Variants in DAB1 observed in about 807,000 individuals in gnomAD.
The protein encoded by DAB1 is disabled homolog 1.
In DAB1, 15 loss-of-function variants were observed where a neutral mutation model predicts 64.6. That is an observed-to-expected ratio of 0.23 (90% CI 0.16 to 0.36). The LOEUF (loss-of-function observed/expected upper bound fraction) is 0.36, where lower values mean the gene tolerates loss of function less well. Ranked by LOEUF, DAB1 falls within the 10% of genes least tolerant of loss-of-function variation. The probability of loss-of-function intolerance (pLI) is 1.00; values close to 1 mark genes in which losing one functional copy is unlikely to be tolerated. For synonymous variants in DAB1, 235 were observed against 251.9 expected, an observed-to-expected ratio of 0.93 and a Z score of 0.64; for missense variants, 596 against 706.7, an observed-to-expected ratio of 0.84 and a Z score of 1.78.
intron 2 of DAB1, among the ~76,000 whole-genome samples, chr1:57,198,647 TCTCACACA>T (rs1273347928): frequency 8.9e-6 from 1 of 112,850 alleles, no homozygotes; most frequent in African/African-American, 3.1e-5. Context: ...ATCTTCTCTC[TCTCACACA>T]CACACACACA....
intron 3 of DAB1, chr1:58,462,755 C>A: frequency 6.6e-6 from 1 of 152,270 alleles, no homozygotes; most frequent in Non-Finnish European, 1.5e-5. Flanking sequence ...CAGGTAACCT[C>A]AGGCTGTTCA....
At chr1:58,268,729 A>G (rs1661235227) in intron 4 of DAB1, among the ~76,000 whole-genome samples, 1 of 152,222 alleles carries the variant, frequency 6.6e-6, no homozygotes, top group Non-Finnish European at 1.5e-5. Context: ...TATCAAAATC[A>G]CAATGATAAT....
chr1:57,478,101 G>C (rs1430773821), intron 7 of DAB1, among the ~76,000 whole-genome samples: 1 of 149,174 alleles, frequency 6.7e-6, no homozygotes, highest in Non-Finnish European at 1.5e-5. Context: ...CCCTTCCTTT[G>C]TCCAAGTGTT....
intron 7 of DAB1, among the ~76,000 whole-genome samples, chr1:57,628,088 G>T (rs1180145853): frequency 6.6e-6 from 1 of 152,176 alleles, no homozygotes; most frequent in South Asian, 2.1e-4. Context: ...CCCAATTTGG[G>T]TTGAGATAAT....
At chr1:58,070,535 A>G (rs934218602) in intron 5 of DAB1, among the ~76,000 whole-genome samples, 2 of 152,200 alleles carry the variant, frequency 1.3e-5, no homozygotes, top group Admixed American at 6.5e-5. Flanking sequence ...AATGGCTTTA[A>G]CCAGGAGCAT....
chr1:58,309,419 A>G (rs955512656), intron 4 of DAB1, among the ~76,000 whole-genome samples: 2 of 152,200 alleles, frequency 1.3e-5, no homozygotes, highest in African/African-American at 4.8e-5. Flanking sequence ...GATACTTAAC[A>G]TCTCATTCCT....
Position 57,493,762 on chromosome 1 carries a change from G to GCACACACACA in DAB1, n.625+155829_625+155830insTGTGTGTGTG, listed in dbSNP as rs1414667024. On this transcript the variant is annotated intron_variant and non_coding_transcript_variant, in intron 7 of 20. Transcript: ENST00000485760. ...AGGGAGGCAGGCTGACGTATTCACA[G>GCACACACACA]CTCACACACACACACACACACACAC... Among the ~76,000 whole-genome samples, 185 of 150,194 alleles carry GCACACACACA rather than the reference G, an allele frequency of 1.2e-3. 1 individual carries two copies. The highest frequency in any genetic ancestry group is 4.2e-3 in the African/African-American group (170 of 40,010).
intron 6 of DAB1, among the ~76,000 whole-genome samples, chr1:57,695,755 T>G (rs929040145): frequency 6.6e-6 from 1 of 151,924 alleles, no homozygotes; most frequent in African/African-American, 2.4e-5. Context: ...CAAAAATTAG[T>G]CAGGTGTGAT....
intron 5 of DAB1, among the ~76,000 whole-genome samples, chr1:57,938,876 C>T (rs531024185): frequency 6.6e-6 from 1 of 152,068 alleles, no homozygotes; most frequent in African/African-American, 2.4e-5. Context: ...GGACTCTCCT[C>T]TTGTACCAAC....
intron 4 of DAB1, among the ~76,000 whole-genome samples, chr1:58,304,992 T>C (rs1662273289): frequency 6.6e-6 from 1 of 152,176 alleles, no homozygotes; most frequent in African/African-American, 2.4e-5. Flanking sequence ...TAATTTTAAT[T>C]TTTTAGTGAG....
intron 1 of DAB1, among the ~76,000 whole-genome samples, chr1:57,348,801 C>T (rs536284889): frequency 1.3e-5 from 2 of 152,212 alleles, no homozygotes; most frequent in East Asian, 1.9e-4. Flanking sequence ...AAATGCCTCC[C>T]TTGTCTAGCC....
intron 2 of DAB1, among the ~76,000 whole-genome samples, chr1:57,194,270 G>T (rs571970334): frequency 6.6e-6 from 1 of 152,236 alleles, no homozygotes; most frequent in Non-Finnish European, 1.5e-5. Flanking sequence ...ATGTGGAAAT[G>T]CTTCTCAGAG....
At chr1:58,208,219 A>G (rs1052803625) in intron 4 of DAB1, among the ~76,000 whole-genome samples, 1 of 152,200 alleles carries the variant, frequency 6.6e-6, no homozygotes, top group Non-Finnish European at 1.5e-5. Context: ...CAGCCAAACC[A>G]TATCAGTAGT....
At chr1:57,060,125 T>TTTTATTTTA (rs1650227539) in intron 9 of DAB1, among the ~76,000 whole-genome samples, 1 of 135,904 alleles carries the variant, frequency 7.4e-6, no homozygotes, top group South Asian at 2.5e-4. Context: ...ATTCATATAT[T>TTTTATTTTA]TTTTATTTTA....
intron 4 of DAB1, among the ~76,000 whole-genome samples, chr1:58,169,670 A>G (rs551439319): frequency 5.8e-4 from 89 of 152,254 alleles, no homozygotes; most frequent in African/African-American, 2.1e-3. Context: ...AAAGCTTGCA[A>G]TTTACACCCC....
intron 3 of DAB1, among the ~76,000 whole-genome samples, chr1:58,479,949 C>CT (rs1327875004): frequency 6.6e-6 from 1 of 152,144 alleles, no homozygotes; most frequent in Admixed American, 6.5e-5. Flanking sequence ...TCCCTTTCCT[C>CT]TTTAATTCTC....
intron 2 of DAB1, among the ~76,000 whole-genome samples, chr1:58,523,151 T>C (rs1368231886): frequency 6.6e-6 from 1 of 152,208 alleles, no homozygotes; most frequent in Non-Finnish European, 1.5e-5. Flanking sequence ...CACGGTTAAT[T>C]CCCCTGATAA....
intron 2 of DAB1, among the ~76,000 whole-genome samples, chr1:57,206,888 TGACACATCCCA>T (rs1665582818): frequency 6.6e-6 from 1 of 151,854 alleles, no homozygotes; most frequent in Non-Finnish European, 1.5e-5. Flanking sequence ...ATATGATATG[TGACACATCCCA>T]GACACTTAAA....
At chr1:57,606,172 T>A in intron 7 of DAB1, 1 of 205,132 alleles carries the variant, frequency 4.9e-6, no homozygotes, top group African/African-American at 2.8e-5. Context: ...CACCTCCGGC[T>A]CCATGAGTGT....
Sources: gnomAD v4.1 joint callset for allele counts (sites outside exome capture counted in the v4.1 genomes callset) on GRCh38, gnomAD v4.1.1 for gene constraint, MANE v1.5 for transcripts, NCBI Gene and HGNC (gene_info 2026-07-23, HGNC 2026-07-21) for gene names.